Variants in PCNX2 observed in about 807,000 individuals in gnomAD.
PCNX2 encodes the protein pecanex 2, also known as pecanex-like protein 2.
In PCNX2, 168 loss-of-function variants were observed where a neutral mutation model predicts 223.8. The observed-to-expected ratio is 0.75, with a 90% CI of 0.66 to 0.85. The LOEUF is 0.85. PCNX2 is among the 40% of genes least tolerant of loss of function. The pLI, the probability that PCNX2 is intolerant of heterozygous loss-of-function variation, is 0.00. For synonymous variants in PCNX2, 1,006 were observed against 1,052.6 expected, an observed-to-expected ratio of 0.96 and a Z score of 0.86; for missense variants, 2,507 against 2,675.5, an observed-to-expected ratio of 0.94 and a Z score of 1.39.
chr1:233,014,754 G>C lies in PCNX2; in HGVS notation c.4863C>G (p.Asp1621Glu). The stretch of plus-strand genomic sequence containing the variant: ...ACAGAGTCACCAAGGGAGAGTCCTC[G>C]TCACTGTCCAGGGTCGTTGAAGGCT... ...RQEPSTTLDSDEDSPLVTLSF... is the reference protein window; with the variant it reads ...RQEPSTTLDSEEDSPLVTLSF... Residue 1621 changes from aspartate to glutamate, a missense_variant, in exon 28 of 34, where the codon GAC becomes GAG. Transcript: ENST00000258229. 2 of 1,613,838 alleles carry C rather than the reference G, an allele frequency of 1.2e-6. No individual in the cohort carries two copies. Among genetic ancestry groups the C allele is most frequent in the African/African-American group, 1.3e-5 (1 of 75,010 alleles).
chr1:233,267,000 T>G (rs988066978), intron 1 of PCNX2, among the ~76,000 whole-genome samples: 1 of 138,222 alleles, frequency 7.2e-6, no homozygotes, highest in Non-Finnish European at 1.6e-5. Flanking sequence ...CAGTCACTAC[T>G]CTGTTTTTTT....
At chr1:233,125,300 T>C (rs1472525921) in intron 21 of PCNX2, among the ~76,000 whole-genome samples, 1 of 152,256 alleles carries the variant, frequency 6.6e-6, no homozygotes, top group Non-Finnish European at 1.5e-5. Context: ...CTTCTCAATA[T>C]TTTGTTACAT....
At chr1:233,240,617 A>G (rs1658706461) in intron 8 of PCNX2, among the ~76,000 whole-genome samples, 1 of 152,192 alleles carries the variant, frequency 6.6e-6, no homozygotes, top group South Asian at 2.1e-4. Flanking sequence ...TCAGGGCTAT[A>G]GCAGAGATAA....
intron 19 of PCNX2, among the ~76,000 whole-genome samples, chr1:233,141,910 A>G (rs1315583672): frequency 6.6e-6 from 1 of 152,120 alleles, no homozygotes; most frequent in Non-Finnish European, 1.5e-5. Context: ...TATTGGAAAT[A>G]AAGTATTATC....
At chr1:233,275,759 C>T (rs2103014605) in intron 1 of PCNX2, among the ~76,000 whole-genome samples, 1 of 151,756 alleles carries the variant, frequency 6.6e-6, no homozygotes, top group East Asian at 2.0e-4. Context: ...AGGCTGGGCT[C>T]AGTGGCTCAC....
intron 10 of PCNX2, 97 bp downstream of exon 10, chr1:233,227,129 T>C (rs1379061604): frequency 7.5e-6 from 10 of 1,340,750 alleles, no homozygotes; most frequent in Non-Finnish European, 8.8e-6. Flanking sequence ...AACTTGAAAA[T>C]GTGCAAGTGA....
rs749820549 is a variant in PCNX2 at position 233,258,023 on chromosome 1, C to T, written c.1834+5G>A. On this transcript the variant is annotated splice_donor_5th_base_variant and intron_variant, in intron 5 of 33. Coordinates refer to ENST00000258229, the MANE Select transcript of PCNX2 (RefSeq NM_014801.4). ...CATCAGAACGGAAATGACATGGAAT[C>T]GCACCTCGGAGAAGCCCACTTTCTT... 23 of 1,607,870 alleles carry T rather than the reference C, an allele frequency of 1.4e-5. No individual in the cohort carries two copies. The African/African-American group carries it at 1.7e-4, about 12-fold the overall frequency.
chr1:232,999,416 G>A, intron 30 of PCNX2, 37 bp from the exon 31 acceptor site: 1 of 1,543,004 alleles, frequency 6.5e-7, no homozygotes, highest in East Asian at 2.4e-5. Context: ...AAAGGCAGAA[G>A]GCCTGTGTTT....
chr1:233,015,872 T>TA (rs1339824573), intron 27 of PCNX2, among the ~76,000 whole-genome samples: 1 of 150,948 alleles, frequency 6.6e-6, no homozygotes, highest in Non-Finnish European at 1.5e-5. Context: ...CTCTGTTTCT[T>TA]AAAAAAAGTT....
At position 233,139,938 on chromosome 1, in the gene PCNX2, C is replaced by T. The variant is rs573894372; in HGVS notation, c.3518-83G>A. Reference sequence around the variant, plus strand: ...GTACAGGTAATAATAAGTAATATTCCCCCCCTTTAATTCAAAAGCTGCTAA... The same window carrying T: ...GTACAGGTAATAATAAGTAATATTCTCCCCCTTTAATTCAAAAGCTGCTAA... On this transcript the variant is annotated intron_variant, in intron 19 of 33. Transcript: ENST00000258229. This position sits in a 1 kb window ranked among gnomAD's most constrained non-coding sequence, Gnocchi z 4.4. The T allele has an allele frequency of 3.4e-6, 5 of 1,471,390 alleles. No homozygotes were observed. The highest frequency in any genetic ancestry group is 2.5e-4 in the Middle Eastern group (1 of 4,032). The allele number at this position is 1,471,390 out of a possible 1,614,324, so 91.1% of individuals were successfully genotyped here.
chr1:233,232,723 A>T, intron 9 of PCNX2: 1 of 777,004 alleles, frequency 1.3e-6, no homozygotes, highest in Non-Finnish European at 1.6e-6. Context: ...TGTTTTAATG[A>T]TAGTAAATTG....
At chr1:233,200,748 A>G (rs540439887) in intron 13 of PCNX2, among the ~76,000 whole-genome samples, 107 of 152,096 alleles carry the variant, frequency 7.0e-4, no homozygotes, top group Non-Finnish European at 1.1e-3. Flanking sequence ...CAGGACAGGC[A>G]CGGTGGCTCA....
chr1:233,111,498 T>TC (rs1195824018), intron 21 of PCNX2, among the ~76,000 whole-genome samples: 2 of 152,082 alleles, frequency 1.3e-5, no homozygotes, highest in African/African-American at 4.8e-5. Context: ...AGCCTCAACC[T>TC]CCCAGGTTCA....
At position 233,272,308 on chromosome 1, in the gene PCNX2, C is replaced by A. The variant is rs1053110613; in HGVS notation, c.154-9145G>T. Among the ~76,000 whole-genome samples the A allele has an allele frequency of 1.5e-4, 21 of 139,086 alleles. 1 individual carries two copies. The highest frequency in any genetic ancestry group is 4.8e-4 in the South Asian group (2 of 4,194). 91.2% of individuals were successfully genotyped at this position (139,086 alleles called of 152,430 possible). A position where few individuals can be genotyped will look rare whatever the true frequency, so the allele number is the denominator to read the frequency against. On this transcript the variant is annotated intron_variant, in intron 1 of 33. Transcript: ENST00000258229. ...ACAATTAGCAAGAAAAAAAAAAAAA[C>A]GATCCCATCAAAAAATGGGCTAAGA...
At chr1:233,220,269 G>C (rs538060479) in intron 10 of PCNX2, among the ~76,000 whole-genome samples, 1 of 152,192 alleles carries the variant, frequency 6.6e-6, no homozygotes, top group African/African-American at 2.4e-5. Context: ...TTGCATGGAC[G>C]TATGTTTTCA....
chr1:233,021,586 G>A (rs1198911359), intron 26 of PCNX2, among the ~76,000 whole-genome samples: 1 of 152,196 alleles, frequency 6.6e-6, no homozygotes, highest in Non-Finnish European at 1.5e-5. Flanking sequence ...TAACTAGCTT[G>A]CAGGGGAGGA....
intron 28 of PCNX2, among the ~76,000 whole-genome samples, chr1:233,007,414 TACTC>T (rs1167501004): frequency 6.6e-6 from 1 of 152,068 alleles, no homozygotes; most frequent in African/African-American, 2.4e-5. Flanking sequence ...TGGGAGCAAA[TACTC>T]AGAATCTGAT....
At position 233,208,698 on chromosome 1, in the gene PCNX2, C is replaced by G; in HGVS notation, c.2692-9G>C. 1 of 1,607,668 alleles carries G rather than the reference C, an allele frequency of 6.2e-7. No individual in the cohort carries two copies. The highest frequency in any genetic ancestry group is 1.1e-5 in the South Asian group (1 of 90,348). On this transcript the variant is annotated splice_polypyrimidine_tract_variant and intron_variant, in intron 12 of 33. Coordinates refer to ENST00000258229, the MANE Select transcript of PCNX2 (RefSeq NM_014801.4). ...ATGATTTGGTTGTGTCCCTAGAAAA[C>G]AAACACAATTTCTGAATGGTACCTC...
the PCNX2 span, among the ~76,000 whole-genome samples, chr1:233,308,408 G>A: frequency 2.0e-5 from 3 of 151,798 alleles, no homozygotes; most frequent in South Asian, 4.2e-4. Context: ...GCAGTGAGCC[G>A]AGATCGTGCC....
Sources: allele counts gnomAD v4.1 joint callset (sites outside exome capture counted in the v4.1 genomes callset), GRCh38; gene constraint gnomAD v4.1.1; non-coding constraint Gnocchi (gnomAD v3.1); transcripts MANE v1.5; gene names NCBI Gene and HGNC (gene_info 2026-07-23, HGNC 2026-07-21).